Variants in MMP7 observed in about 807,000 individuals in gnomAD.
MMP7 encodes the protein matrilysin.
Under a neutral mutation model 31.5 loss-of-function variants are expected in MMP7, and 26 were observed. The ratio of observed to expected loss-of-function variants is 0.83; its 90% CI spans 0.61 to 1.15. MMP7 has a LOEUF of 1.15. MMP7 is among the 50% of genes most tolerant of loss of function. The pLI is 0.00. For missense variants in MMP7, 367 were observed against 326.5 expected (o/e 1.12, Z -0.96); for synonymous variants, 142 against 124.2 (o/e 1.14, Z -0.95).
chr11:102,525,114 C>G (rs1481531988), intron 3 of MMP7, 50 bp from the exon 4 acceptor site: 3 of 1,565,954 alleles, frequency 1.9e-6, no homozygotes, highest in Non-Finnish European at 2.6e-6. Flanking sequence ...TTTTTTTCTC[C>G]AGTCATTTTA....
In MMP7 at chr11:102,526,342, C is replaced by T. The variant is rs938702117; in HGVS notation, c.484+1182G>A. Among the ~76,000 whole-genome samples the T allele has an allele frequency of 3.9e-4, 59 of 151,060 alleles. 1 individual carries two copies. The highest frequency in any genetic ancestry group is 1.2e-4 in the Non-Finnish European group (8 of 67,926). On this transcript the variant is annotated intron_variant, in intron 3 of 5. Coordinates refer to ENST00000260227, the MANE Select transcript of MMP7 (RefSeq NM_002423.5). ...GCAACCTCTGCCTCCCAGGTTCAAG[C>T]GATTCTCATGCTTCAGCCTCCCAAG...
intron 3 of MMP7, among the ~76,000 whole-genome samples, chr11:102,526,223 A>ATATAT (rs200101403): frequency 1.2e-4 from 14 of 119,730 alleles, no homozygotes; most frequent in African/African-American, 1.6e-4. Context: ...GTAAAAAAAA[A>ATATAT]AAATATATAT....
intron 4 of MMP7, 88 bp downstream of exon 4, chr11:102,524,848 T>C: frequency 7.0e-7 from 1 of 1,430,028 alleles, no homozygotes; most frequent in Non-Finnish European, 9.3e-7. Context: ...GGCTCAATAC[T>C]TATTATAAAT....
chr11:102,526,215 A>T (rs962542547), intron 3 of MMP7, among the ~76,000 whole-genome samples: 1 of 73,620 alleles, frequency 1.4e-5, no homozygotes, highest in Non-Finnish European at 2.9e-5. Context: ...AAACCCACGT[A>T]AAAAAAAAAA....
chr11:102,527,503 G>C (rs1356217188), intron 3 of MMP7, 21 bp downstream of exon 3: 1 of 1,613,942 alleles, frequency 6.2e-7, no homozygotes, highest in East Asian at 2.2e-5. Flanking sequence ...CACAGGATTA[G>C]CCTACAGGAA....
intron 3 of MMP7, among the ~76,000 whole-genome samples, chr11:102,526,762 A>G (rs898209674): frequency 6.6e-6 from 1 of 152,190 alleles, no homozygotes; most frequent in Non-Finnish European, 1.5e-5. Flanking sequence ...CACATATACA[A>G]TGGTCCTATA....
Position 102,527,578 on chromosome 11 carries a change from A to G in MMP7, c.430T>C (p.Phe144Leu), listed in dbSNP as rs762618530. ...NMWGKEIPLHFRKVVWGTADI... is the reference protein window; with the variant it reads ...NMWGKEIPLHLRKVVWGTADI... ...GCAGTTCCCCATACAACTTTCCTGA[A>G]ATGCAGGGGGATCTCTTTGCCCCAC... is the stretch of plus-strand genomic sequence containing the variant. The change falls in exon 3 of 6, where the codon TTC becomes CTC. Residue 144 changes from phenylalanine to leucine, a missense_variant. Phe to Leu is a conservative substitution (Grantham distance 22). Coordinates refer to ENST00000260227, the MANE Select transcript of MMP7 (RefSeq NM_002423.5). 3 of 1,614,192 alleles carry G rather than the reference A, an allele frequency of 1.9e-6. No individual in the cohort carries two copies. Among genetic ancestry groups the G allele is most frequent in the Non-Finnish European group, 8.5e-7 (1 of 1,180,022 alleles).
chr11:102,520,806 T>C lies in MMP7; in HGVS notation c.776-2A>G, dbSNP rs925937268. On this transcript the variant is annotated splice_acceptor_variant, in intron 5 of 5. Coordinates refer to ENST00000260227, the MANE Select transcript of MMP7 (RefSeq NM_002423.5). LOFTEE classifies it high-confidence loss of function. Reference sequence around the variant, plus strand: ...TCTTTCTTGAATTACTTCTCTTTCCTATTGAGAGAAAAAAAAAGAACATTC... The same window carrying C: ...TCTTTCTTGAATTACTTCTCTTTCCCATTGAGAGAAAAAAAAAGAACATTC... 27 of 1,553,694 alleles carry C rather than the reference T, an allele frequency of 1.7e-5. No individual in the cohort carries two copies. The highest frequency in any genetic ancestry group is 1.7e-5 in the Admixed American group (1 of 57,696).
chr11:102,522,963 A>T (rs1174595891), intron 5 of MMP7, among the ~76,000 whole-genome samples: 1 of 152,224 alleles, frequency 6.6e-6, no homozygotes, highest in East Asian at 1.9e-4. Flanking sequence ...GAGGAAGAGC[A>T]GTGGGTGGCA....
intron 3 of MMP7, among the ~76,000 whole-genome samples, chr11:102,526,037 G>A (rs1347369242): frequency 5.9e-5 from 9 of 151,388 alleles, no homozygotes; most frequent in Non-Finnish European, 1.3e-4. Context: ...ACAGTAGCCG[G>A]ACCATTCCAC....
intron 4 of MMP7, chr11:102,524,329 T>C (rs185742071): frequency 2.0e-5 from 3 of 152,348 alleles, no homozygotes; most frequent in African/African-American, 7.2e-5. Context: ...GGATTATTTA[T>C]GCCAGAGCTC....
chr11:102,527,364 T>A, intron 3 of MMP7, 160 bp downstream of exon 3: 1 of 928,462 alleles, frequency 1.1e-6, no homozygotes, highest in Non-Finnish European at 1.6e-6. Flanking sequence ...TATTACCAGA[T>A]TATAAAAATT....
chr11:102,520,755 T>G lies in MMP7; in HGVS notation c.*21A>C. The G allele has an allele frequency of 6.4e-7, 1 of 1,551,404 alleles. No homozygotes were observed. Among genetic ancestry groups the G allele is most frequent in the Non-Finnish European group, 8.8e-7 (1 of 1,135,110 alleles). On this transcript the variant is annotated 3_prime_UTR_variant, in exon 6 of 6. Coordinates refer to ENST00000260227, the MANE Select transcript of MMP7 (RefSeq NM_002423.5). The stretch of plus-strand genomic sequence containing the variant: ...ATATACAATCCAATGAATGAATGAA[T>G]GGATGTTCTGCCTGAAGTTTCTATT...
chr11:102,527,960 G>C lies in MMP7; in HGVS notation c.132C>G (p.Leu44=), dbSNP rs772371279. 2 of 1,613,566 alleles carry C rather than the reference G, an allele frequency of 1.2e-6. No homozygotes were observed. The highest frequency in any genetic ancestry group is 1.7e-5 in the Admixed American group (1 of 60,014). Residue 44 remains leucine, a synonymous_variant, in exon 2 of 6, where the codon CTC becomes CTG. Transcript: ENST00000260227. ...QAQDYLKRFY[L]YDSETKNANS... is the part of the protein sequence containing the mutation. ...TGGCATTTTTTGTTTCTGAGTCATA[G>C]AGATAAAATCTCTTGAGATAGTCCT... is the stretch of plus-strand genomic sequence containing the variant.
chr11:102,527,357 TACCAG>T, intron 3 of MMP7, 162 bp downstream of exon 3: 2 of 872,012 alleles, frequency 2.3e-6, no homozygotes, highest in Non-Finnish European at 3.4e-6. Flanking sequence ...GGCTCTATAT[TACCAG>T]ATTATAAAAA....
In MMP7 at chr11:102,527,664, G is replaced by C. The variant is rs1318240700; in HGVS notation, c.344C>G (p.Ser115Ter). Residue 115 changes from serine to a stop codon, truncating the protein, a stop_gained, in exon 3 of 6, where the codon TCA (serine) becomes TGA (stop). Transcript: ENST00000260227. LOFTEE classifies it high-confidence loss of function. ...AATATGCGGTAAGTCTCGAGTATAT[G>C]ATACGATCCTAGTAGCAAACAAGAA... ...TSKVVTYRIVSYTRDLPHITV... is the reference protein window; with the variant it reads ...TSKVVTYRIV 1 of 1,614,090 alleles carries C rather than the reference G, an allele frequency of 6.2e-7. No homozygotes were observed. The highest frequency in any genetic ancestry group is 8.5e-7 in the Non-Finnish European group (1 of 1,179,970).
chr11:102,527,458 A>G, intron 3 of MMP7, 66 bp downstream of exon 3: 4 of 1,574,644 alleles, frequency 2.5e-6, no homozygotes, highest in Non-Finnish European at 3.5e-6. Context: ...ATAAGAAAAG[A>G]GCACTGATAT....
chr11:102,530,545 T>C, intron 1 of MMP7, 48 bp downstream of exon 1: 1 of 1,432,086 alleles, frequency 7.0e-7, no homozygotes, highest in East Asian at 2.3e-5. Context: ...CATTTCTTAA[T>C]GCAGATGGCA....
intron 1 of MMP7, among the ~76,000 whole-genome samples, chr11:102,529,518 G>T (rs1858708847): frequency 6.6e-6 from 1 of 152,156 alleles, no homozygotes; most frequent in East Asian, 1.9e-4. Flanking sequence ...TCATTAGGTG[G>T]AACCATATAA....
Sources: gnomAD v4.1 joint callset for allele counts (sites outside exome capture counted in the v4.1 genomes callset) on GRCh38, gnomAD v4.1.1 for gene constraint, MANE v1.5 for transcripts, NCBI Gene and HGNC (gene_info 2026-07-23, HGNC 2026-07-21) for gene names.